The following MRPL3 variants were observed in gnomAD, a reference collection of about 807,000 sequenced individuals.
MRPL3 encodes mitochondrial ribosomal protein L3.
MRPL3 carries 43 observed loss-of-function variants against 44.3 expected under a neutral mutation model. That is an observed-to-expected ratio of 0.97 (90% CI 0.76 to 1.25). The LOEUF (loss-of-function observed/expected upper bound fraction) is 1.25. Among genes scored for constraint, MRPL3 ranks in the 50% most tolerant of loss-of-function variants. The pLI, the probability that MRPL3 is intolerant of heterozygous loss-of-function variation, is 0.00. For missense variants in MRPL3, 406 were observed against 427.6 expected (o/e 0.95, Z 0.45); for synonymous variants, 171 against 152.3 (o/e 1.12, Z -0.91).
At chr3:131,491,967 T>C (rs1366899809) in intron 4 of MRPL3, among the ~76,000 whole-genome samples, 1 of 152,108 alleles carries the variant, frequency 6.6e-6, no homozygotes, top group Non-Finnish European at 1.5e-5. Flanking sequence ...TCTTTTACTC[T>C]CCTCCTGACT....
intron 6 of MRPL3, 80 bp from the exon 7 acceptor site, chr3:131,471,359 G>T: frequency 1.1e-6 from 1 of 916,434 alleles, no homozygotes; most frequent in Non-Finnish European, 1.8e-6. Flanking sequence ...AGTACCAACT[G>T]TACACATTCT....
chr3:131,501,547 T>C lies in MRPL3; in HGVS notation c.261A>G (p.Ile87Met), dbSNP rs1934497129. 1.2e-6 allele frequency: 2 copies of C among 1,611,690 alleles called. No individual in the cohort carries two copies. The highest frequency in any genetic ancestry group is 1.7e-6 in the Non-Finnish European group (2 of 1,179,788). The change falls in exon 2 of 10, where the codon ATA (isoleucine) becomes ATG (methionine). Residue 87 changes from isoleucine (I) to methionine (M), a missense_variant. Coordinates refer to ENST00000264995, the MANE Select transcript of MRPL3 (RefSeq NM_007208.4). ...AATAATCACCTGGTTCCCAAGGATG[T>C]ATAGGCCATGGTTCATCTTTCAGAG... ...LCPLKDEPWP[I>M]HPWEPGSFRV...
At chr3:131,477,700 T>C (rs1465466982) in intron 6 of MRPL3, among the ~76,000 whole-genome samples, 2 of 152,318 alleles carry the variant, frequency 1.3e-5, no homozygotes, top group East Asian at 3.9e-4. Flanking sequence ...CATTCACAAA[T>C]ATTTCAGTAG....
intron 4 of MRPL3, among the ~76,000 whole-genome samples, chr3:131,493,283 G>C (rs867238263): frequency 6.6e-6 from 1 of 152,092 alleles, no homozygotes; most frequent in African/African-American, 2.4e-5. Context: ...CTTCACACTG[G>C]GAAATATAAG....
chr3:131,487,458 A>C (rs1404063140), intron 6 of MRPL3: 8 of 445,284 alleles, frequency 1.8e-5, no homozygotes, highest in Non-Finnish European at 3.2e-5. Context: ...TAAAAAAAAA[A>C]CAAATAAAAA....
chr3:131,471,197 T>C lies in MRPL3; in HGVS notation c.712A>G (p.Arg238Gly). ...PATHGQTKTHRRPGAVATGDI... is the reference protein window; with the variant it reads ...PATHGQTKTHGRPGAVATGDI... Reference sequence around the variant, plus strand: ...CCAGTTGCAACAGCTCCAGGTCTCCTGTGGGTTTTCGTTTGACCATGCGTA... The same window carrying C: ...CCAGTTGCAACAGCTCCAGGTCTCCCGTGGGTTTTCGTTTGACCATGCGTA... Residue 238 changes from arginine (R) to glycine (G), a missense_variant, in exon 7 of 10, where the codon AGG (arginine) becomes GGG (glycine). Transcript: ENST00000264995. The C allele has an allele frequency of 1.2e-6, 2 of 1,613,114 alleles. No homozygotes were observed. The highest frequency in any genetic ancestry group is 1.7e-6 in the Non-Finnish European group (2 of 1,179,332).
At chr3:131,469,807 T>C in intron 7 of MRPL3, 34 bp from the exon 8 acceptor site, 1 of 1,407,630 alleles carries the variant, frequency 7.1e-7, no homozygotes, top group Non-Finnish European at 1.0e-6. Context: ...CACTTTTAAG[T>C]ACTATCAATT....
chr3:131,469,404 T>G (rs928635858), intron 8 of MRPL3, among the ~76,000 whole-genome samples: 1 of 152,086 alleles, frequency 6.6e-6, no homozygotes, highest in African/African-American at 2.4e-5. Flanking sequence ...ACTTTTTTCA[T>G]GCAACAATAT....
intron 7 of MRPL3, 90 bp downstream of exon 7, chr3:131,471,081 T>A: frequency 6.7e-6 from 6 of 890,136 alleles, no homozygotes; most frequent in Non-Finnish European, 1.1e-5. Flanking sequence ...AGACTAAAAT[T>A]ATGTGACTTC....
At chr3:131,479,206 C>A in intron 6 of MRPL3, 1 of 518,922 alleles carries the variant, frequency 1.9e-6, no homozygotes, top group Non-Finnish European at 3.8e-6. Context: ...GACATGAGCA[C>A]AGTCAGGCAA....
chr3:131,484,113 C>T (rs1178324637), intron 6 of MRPL3, among the ~76,000 whole-genome samples: 1 of 151,974 alleles, frequency 6.6e-6, no homozygotes, highest in Admixed American at 6.6e-5. Context: ...TGCTTTTAAA[C>T]AGATGTTTGT....
At chr3:131,479,210 C>CA (rs1322733279) in intron 6 of MRPL3, 5 of 518,368 alleles carry the variant, frequency 9.6e-6, no homozygotes, top group Non-Finnish European at 1.9e-5. Flanking sequence ...TGAGCACAGT[C>CA]AGGCAAGGTC....
intron 1 of MRPL3, among the ~76,000 whole-genome samples, chr3:131,502,251 G>A (rs1934515321): frequency 6.6e-6 from 1 of 152,226 alleles, no homozygotes; most frequent in Non-Finnish European, 1.5e-5. Context: ...TTCTTGCATG[G>A]AGGGTCAGAA....
intron 6 of MRPL3, among the ~76,000 whole-genome samples, chr3:131,485,153 A>T (rs6766963): frequency 4.5e-4 from 69 of 152,306 alleles, no homozygotes; most frequent in Middle Eastern, 3.4e-3. Flanking sequence ...AAAACCAAAA[A>T]ACAAAAGTTT....
intron 9 of MRPL3, among the ~76,000 whole-genome samples, chr3:131,463,907 T>C (rs1933545484): frequency 6.6e-6 from 1 of 152,124 alleles, no homozygotes; most frequent in Non-Finnish European, 1.5e-5. Context: ...GCATAATTAC[T>C]TTAGCAATAA....
intron 6 of MRPL3, among the ~76,000 whole-genome samples, chr3:131,474,421 G>A (rs909515430): frequency 1.6e-4 from 25 of 152,238 alleles, no homozygotes; most frequent in African/African-American, 6.0e-4. Context: ...TGAGGAGGAT[G>A]GGGAGAGGTT....
intron 3 of MRPL3, 36 bp from the exon 4 acceptor site, chr3:131,498,313 C>A: frequency 1.5e-6 from 2 of 1,345,206 alleles, no homozygotes; most frequent in South Asian, 2.4e-5. Context: ...AAGCATGTGC[C>A]AATATATATT....
chr3:131,491,062 T>G (rs901843898), intron 4 of MRPL3, among the ~76,000 whole-genome samples: 3 of 152,216 alleles, frequency 2.0e-5, no homozygotes, highest in African/African-American at 7.2e-5. Flanking sequence ...ATATAACATG[T>G]CACAATAATT....
Position 131,473,113 on chromosome 3 carries a change from G to A in MRPL3, c.630-1834C>T, listed in dbSNP as rs1385213284. On this transcript the variant is annotated intron_variant, in intron 6 of 9. Transcript: ENST00000264995. ...GACACTGAATAGCCAAAGCAATCCT[G>A]AGTAAGAATAAAAAAGCTGGAGACA... 2.6e-5 allele frequency among the ~76,000 whole-genome samples: 4 copies of A among 152,090 alleles called. No homozygotes were observed. The South Asian group carries it at 8.3e-4, about 32-fold the overall frequency.
Sources: gnomAD v4.1 joint callset for allele counts (sites outside exome capture counted in the v4.1 genomes callset) on GRCh38, gnomAD v4.1.1 for gene constraint, MANE v1.5 for transcripts, NCBI Gene and HGNC (gene_info 2026-07-23, HGNC 2026-07-21) for gene names.